Variants in CPEB4 observed in about 807,000 individuals in gnomAD.
CPEB4 encodes cytoplasmic polyadenylation element-binding protein 4.
In CPEB4, 12 loss-of-function variants were observed where a neutral mutation model predicts 72.5. The ratio of observed to expected loss-of-function variants is 0.17; its 90% CI spans 0.11 to 0.27. CPEB4 has a LOEUF of 0.27. CPEB4 is among the 10% of genes least tolerant of loss of function. The pLI is 1.00. For missense variants in CPEB4, 614 were observed against 908.5 expected (o/e 0.68, Z 4.17); for synonymous variants, 302 against 326.3 (o/e 0.93, Z 0.80).
rs1758554066 is a variant in CPEB4, at chr5:173,961,660, T to C, written c.*5523T>C. ...CAATCAAGTCATTTCATAACCCCTT[T>C]TGGTAATGGGTGTTTGTGTCCACAG... On this transcript the variant is annotated 3_prime_UTR_variant, in exon 10 of 10. Transcript: ENST00000265085. 1 of 152,080 alleles carries C rather than the reference T, an allele frequency of 6.6e-6. No individual in the cohort carries two copies. Among genetic ancestry groups the C allele is most frequent in the African/African-American group, 2.4e-5 (1 of 41,434 alleles). 9.4% of individuals were successfully genotyped at this position (152,080 alleles called of 1,614,324 possible). A position where few individuals can be genotyped will look rare whatever the true frequency, so the allele number is the denominator to read the frequency against.
chr5:173,895,776 G>C (rs1233311787), intron 1 of CPEB4, among the ~76,000 whole-genome samples: 1 of 152,164 alleles, frequency 6.6e-6, no homozygotes, highest in Non-Finnish European at 1.5e-5. Context: ...TTTTAACTAG[G>C]TTAGATAGCT....
chr5:173,922,651 G>C (rs1757112536), intron 2 of CPEB4, among the ~76,000 whole-genome samples: 1 of 152,184 alleles, frequency 6.6e-6, no homozygotes, highest in Admixed American at 6.5e-5. Flanking sequence ...TGCCTTATTG[G>C]GAGTGGAAAC....
chr5:173,905,408 C>T (rs944893538), intron 1 of CPEB4, among the ~76,000 whole-genome samples: 7 of 151,564 alleles, frequency 4.6e-5, no homozygotes, highest in African/African-American at 1.7e-4. Flanking sequence ...GATCTCAGCT[C>T]ACTGCAACCC....
chr5:173,953,386 C>G (rs1357179005), intron 9 of CPEB4, 114 bp downstream of exon 9: 4 of 778,142 alleles, frequency 5.1e-6, no homozygotes, highest in Non-Finnish European at 8.0e-6. Flanking sequence ...ACAATTTTGC[C>G]TATAGAGTTA....
At chr5:173,923,356 TA>T (rs1757135617) in intron 2 of CPEB4, among the ~76,000 whole-genome samples, 1 of 152,214 alleles carries the variant, frequency 6.6e-6, no homozygotes, top group African/African-American at 2.4e-5. Flanking sequence ...GAGAAAAGTC[TA>T]ATTAGATCTC....
At chr5:173,938,335 C>T (rs936867462) in intron 3 of CPEB4, among the ~76,000 whole-genome samples, 3 of 152,158 alleles carry the variant, frequency 2.0e-5, no homozygotes, top group African/African-American at 7.2e-5. Context: ...AAGCAATTCT[C>T]CTGCCTTAGC....
intron 2 of CPEB4, among the ~76,000 whole-genome samples, chr5:173,917,889 T>C (rs1382418371): frequency 6.6e-6 from 1 of 152,204 alleles, no homozygotes; most frequent in Non-Finnish European, 1.5e-5. Flanking sequence ...AGACTCAGAG[T>C]CGGCCGGCAG....
intron 9 of CPEB4, among the ~76,000 whole-genome samples, chr5:173,954,003 G>C (rs866538194): frequency 6.6e-6 from 1 of 152,098 alleles, no homozygotes; most frequent in Non-Finnish European, 1.5e-5. Context: ...GTTTGGTCCA[G>C]CTGGCGATTT....
At chr5:173,939,363 ACAT>A in intron 3 of CPEB4, among the ~76,000 whole-genome samples, 1 of 152,230 alleles carries the variant, frequency 6.6e-6, no homozygotes, top group Middle Eastern at 3.4e-3. Context: ...ATACATACAT[ACAT>A]ACATACAAAT....
intron 3 of CPEB4, among the ~76,000 whole-genome samples, chr5:173,938,802 G>A (rs1344552745): frequency 6.6e-6 from 1 of 152,118 alleles, no homozygotes; most frequent in African/African-American, 2.4e-5. Flanking sequence ...AAGTAATAAT[G>A]TCATTTGTTC....
intron 2 of CPEB4, among the ~76,000 whole-genome samples, chr5:173,921,830 G>A (rs1013828812): frequency 7.2e-5 from 11 of 152,162 alleles, no homozygotes; most frequent in Admixed American, 2.6e-4. Flanking sequence ...TTTCCTTTTC[G>A]AGGTAGACCT....
Position 173,950,473 on chromosome 5 carries a change from C to T in CPEB4, c.1665+395C>T, listed in dbSNP as rs764647019. On this transcript the variant is annotated intron_variant, in intron 7 of 9. Coordinates refer to ENST00000265085, the MANE Select transcript of CPEB4 (RefSeq NM_030627.4). The surrounding 1 kb of genome is among the most constrained non-coding windows in gnomAD (Gnocchi z 5.0). ...TACAAAAATTAGCCAGGCATGGTGG[C>T]GCACATCTGTAGTCCCAGCTACTTG... is the stretch of plus-strand genomic sequence containing the variant. 1.6e-4 allele frequency among the ~76,000 whole-genome samples: 24 copies of T among 151,900 alleles called. No homozygotes were observed. Among genetic ancestry groups the T allele is most frequent in the Admixed American group, 2.6e-4 (4 of 15,246 alleles).
Position 173,951,901 on chromosome 5 carries a change from T to C in CPEB4, c.1743T>C (p.Thr581=). The change falls in exon 8 of 10, where the codon ACT becomes ACC. Residue 581 remains threonine (T), a synonymous_variant. Transcript: ENST00000265085. ...DGSQPLDPRK[T]IFVGGVPRPL... ...CACAGCCACTTGACCCACGAAAAAC[T>C]ATATTTGTTGGTGGTGTTCCTCGAC... 6.2e-7 allele frequency: 1 copy of C among 1,613,708 alleles called. No homozygotes were observed. The highest frequency in any genetic ancestry group is 8.5e-7 in the Non-Finnish European group (1 of 1,179,660).
At chr5:173,921,702 C>T (rs1353990448) in intron 2 of CPEB4, among the ~76,000 whole-genome samples, 1 of 152,132 alleles carries the variant, frequency 6.6e-6, no homozygotes, top group Non-Finnish European at 1.5e-5. Context: ...CTCTTTAAGC[C>T]ACATGGTTTG....
chr5:173,906,742 G>T (rs773704026), intron 1 of CPEB4, among the ~76,000 whole-genome samples: 25 of 152,088 alleles, frequency 1.6e-4, no homozygotes, highest in Non-Finnish European at 2.1e-4. Context: ...GAAAAAATTA[G>T]TATCATTACT....
chr5:173,960,103 G>C lies in CPEB4; in HGVS notation c.*3966G>C, dbSNP rs1023061100. Reference sequence around the variant, plus strand: ...TAAGGGTAATTCATTTTTTATTAAAGTCATTTTCACGTTAAGTTCCTATTT... The same window carrying C: ...TAAGGGTAATTCATTTTTTATTAAACTCATTTTCACGTTAAGTTCCTATTT... On this transcript the variant is annotated 3_prime_UTR_variant, in exon 10 of 10. Transcript: ENST00000265085. The C allele has an allele frequency of 1.3e-5, 2 of 152,580 alleles. No individual in the cohort carries two copies. The highest frequency in any genetic ancestry group is 2.9e-5 in the Non-Finnish European group (2 of 67,980). 9.5% of individuals were successfully genotyped at this position (152,580 alleles called of 1,614,324 possible). A position where few individuals can be genotyped will look rare whatever the true frequency, so the allele number is the denominator to read the frequency against.
intron 2 of CPEB4, among the ~76,000 whole-genome samples, chr5:173,929,368 T>C (rs1757358955): frequency 6.6e-6 from 1 of 152,210 alleles, no homozygotes; most frequent in South Asian, 2.1e-4. Context: ...GAAACCAGCC[T>C]GTTTAGTAAT....
At chr5:173,917,494 G>T (rs979243047) in intron 2 of CPEB4, among the ~76,000 whole-genome samples, 2 of 152,224 alleles carry the variant, frequency 1.3e-5, no homozygotes, top group Non-Finnish European at 2.9e-5. Context: ...AGGGCTTTGG[G>T]AGGCCAAGGT....
chr5:173,903,260 C>T (rs1008137086), intron 1 of CPEB4, among the ~76,000 whole-genome samples: 2 of 152,084 alleles, frequency 1.3e-5, no homozygotes, highest in African/African-American at 4.8e-5. Flanking sequence ...AGGTATGGAC[C>T]TTAGAACTTG....
Sources: gnomAD v4.1 joint callset for allele counts (sites outside exome capture counted in the v4.1 genomes callset) on GRCh38, gnomAD v4.1.1 for gene constraint, Gnocchi (gnomAD v3.1) non-coding constraint, MANE v1.5 for transcripts, NCBI Gene and HGNC (gene_info 2026-07-23, HGNC 2026-07-21) for gene names.